The following RAMP3 variants were observed in gnomAD, a reference collection of about 807,000 sequenced individuals.
RAMP3 encodes the protein receptor activity modifying protein 3, also known as receptor activity-modifying protein 3.
In RAMP3, 14 loss-of-function variants were observed where a neutral mutation model predicts 13.5. That is an observed-to-expected ratio of 1.04 (90% confidence interval 0.69 to 1.63). The LOEUF is 1.63. Among genes scored for constraint, RAMP3 ranks in the 40% most tolerant of loss-of-function variants. RAMP3 has a pLI of 0.00. For synonymous variants in RAMP3, 106 were observed against 88.3 expected, an observed-to-expected ratio of 1.20 and a Z score of -1.12; for missense variants, 200 against 204.8, an observed-to-expected ratio of 0.98 and a Z score of 0.14.
chr7:45,164,423 T>C (rs1478465738), intron 1 of RAMP3, among the ~76,000 whole-genome samples: 2 of 152,128 alleles, frequency 1.3e-5, no homozygotes, highest in African/African-American at 4.8e-5. Flanking sequence ...TGGTCCCAGC[T>C]ACTCAGGAGG....
intron 1 of RAMP3, among the ~76,000 whole-genome samples, chr7:45,165,543 A>G (rs1177974481): frequency 6.6e-6 from 1 of 152,236 alleles, no homozygotes; most frequent in Admixed American, 6.5e-5. Context: ...TTATTGAGAT[A>G]TAATTCACAT....
At chr7:45,169,616 T>C (rs11767310) in intron 1 of RAMP3, among the ~76,000 whole-genome samples, 40,898 of 152,130 alleles carry the variant, frequency 0.27, 6,800 homozygotes, top group African/African-American at 0.47. Context: ...CAGCCTTTCC[T>C]GAACTTCTGG....
intron 1 of RAMP3, among the ~76,000 whole-genome samples, chr7:45,161,302 G>A (rs1785861413): frequency 6.6e-6 from 1 of 151,504 alleles, no homozygotes; most frequent in Admixed American, 6.6e-5. Flanking sequence ...GCTGGGCAAT[G>A]CCCTGGCACT....
intron 1 of RAMP3, among the ~76,000 whole-genome samples, chr7:45,158,596 T>A (rs3823867): frequency 0.23 from 35,301 of 152,128 alleles, 4,444 homozygotes; most frequent in East Asian, 0.51. Flanking sequence ...AGAATGTGTG[T>A]AAAGGCTGTT....
At chr7:45,166,097 C>G (rs549456876) in intron 1 of RAMP3, among the ~76,000 whole-genome samples, 9 of 152,038 alleles carry the variant, frequency 5.9e-5, no homozygotes, top group Non-Finnish European at 1.2e-4. Context: ...AGACTAGTTT[C>G]CAACGTGGCT....
chr7:45,169,034 C>A (rs1018970227), intron 1 of RAMP3, among the ~76,000 whole-genome samples: 4 of 152,132 alleles, frequency 2.6e-5, no homozygotes, highest in Admixed American at 2.6e-4. Context: ...TTGAGATGAT[C>A]GTGTGGTTCC....
chr7:45,160,951 A>T (rs1785855393), intron 1 of RAMP3, among the ~76,000 whole-genome samples: 1 of 152,182 alleles, frequency 6.6e-6, no homozygotes, highest in South Asian at 2.1e-4. Flanking sequence ...CTCAAGCCTC[A>T]TGTGCACTAG....
intron 1 of RAMP3, among the ~76,000 whole-genome samples, chr7:45,161,320 G>C (rs955205892): frequency 1.3e-5 from 2 of 151,860 alleles, no homozygotes; most frequent in African/African-American, 2.4e-5. Flanking sequence ...ACTGGGGGTG[G>C]TGGGGAATTG....
chr7:45,183,434 G>C lies in RAMP3; in HGVS notation c.*22G>C, dbSNP rs891275040. The C allele has an allele frequency of 4.4e-6, 7 of 1,605,592 alleles. No homozygotes were observed. Among genetic ancestry groups the C allele is most frequent in the Non-Finnish European group, 5.9e-6 (7 of 1,177,282 alleles). On this transcript the variant is annotated 3_prime_UTR_variant, in exon 3 of 3. Transcript: ENST00000242249. ...GTGAGGGTCCCGGTGAGATGGAGTG[G>C]GTCACACCTGGCAAGCTGGAAGAAA...
chr7:45,176,244 G>C (rs1786184085), intron 1 of RAMP3, among the ~76,000 whole-genome samples: 1 of 152,076 alleles, frequency 6.6e-6, no homozygotes, highest in African/African-American at 2.4e-5. Flanking sequence ...TGTCAATCTG[G>C]AACCATTTTC....
At chr7:45,182,394 A>C (rs1473153454) in intron 2 of RAMP3, among the ~76,000 whole-genome samples, 1 of 152,028 alleles carries the variant, frequency 6.6e-6, no homozygotes, top group Non-Finnish European at 1.5e-5. Flanking sequence ...TGCCCATTGG[A>C]ACAGGTGGTG....
At chr7:45,178,800 T>G (rs1169983980) in intron 2 of RAMP3, among the ~76,000 whole-genome samples, 1 of 152,176 alleles carries the variant, frequency 6.6e-6, no homozygotes, top group Non-Finnish European at 1.5e-5. Flanking sequence ...TAAATAGAGA[T>G]GTCCAGCCGT....
At chr7:45,170,408 G>A (rs1786057319) in intron 1 of RAMP3, among the ~76,000 whole-genome samples, 1 of 151,814 alleles carries the variant, frequency 6.6e-6, no homozygotes, top group African/African-American at 2.4e-5. Flanking sequence ...GCGCAATCTT[G>A]GCTACTGCAA....
intron 1 of RAMP3, among the ~76,000 whole-genome samples, chr7:45,159,259 C>G (rs1292278871): frequency 6.6e-6 from 1 of 152,208 alleles, no homozygotes; most frequent in East Asian, 1.9e-4. Flanking sequence ...TCTCAGCAGA[C>G]CCTCCCAGTG....
chr7:45,157,941 A>G (rs1330316035), intron 1 of RAMP3, 55 bp downstream of exon 1: 5 of 1,298,314 alleles, frequency 3.9e-6, no homozygotes, highest in Non-Finnish European at 4.9e-6. Flanking sequence ...GGTTCACCGG[A>G]CCCGGGTGGA....
intron 1 of RAMP3, among the ~76,000 whole-genome samples, chr7:45,158,494 C>T (rs761101767): frequency 2.0e-5 from 3 of 152,188 alleles, no homozygotes; most frequent in Non-Finnish European, 4.4e-5. Context: ...AACCATTGCT[C>T]ACAAAATGGA....
chr7:45,167,322 G>A (rs373550672), intron 1 of RAMP3, among the ~76,000 whole-genome samples: 2 of 152,282 alleles, frequency 1.3e-5, no homozygotes, highest in East Asian at 1.9e-4. Context: ...TCTTTGGCAA[G>A]TGTATATCCA....
chr7:45,170,576 A>T (rs752206444), intron 1 of RAMP3, among the ~76,000 whole-genome samples: 1 of 151,808 alleles, frequency 6.6e-6, no homozygotes, highest in Non-Finnish European at 1.5e-5. Flanking sequence ...TGACCTCATG[A>T]TCTGCTCGCC....
chr7:45,177,432 A>G lies in RAMP3; in HGVS notation c.182A>G (p.Glu61Gly). The G allele has an allele frequency of 6.2e-7, 1 of 1,614,030 alleles. No individual in the cohort carries two copies. Among genetic ancestry groups the G allele is most frequent in the South Asian group, 1.1e-5 (1 of 91,078 alleles). Reference protein sequence around the residue: ...VDVWKWCNLSEFIVYYESFTN... With the variant: ...VDVWKWCNLSGFIVYYESFTN... ...GTCTGGAAGTGGTGCAACCTGTCCG[A>G]GTTCATCGTGTGAGTGCCACTGCTG... Residue 61 changes from glutamate (E) to glycine (G), a missense_variant, in exon 2 of 3, where the codon GAG becomes GGG. Glu to Gly is a moderately conservative substitution (Grantham distance 98). Transcript: ENST00000242249.
Sources: gnomAD v4.1 joint callset for allele counts (sites outside exome capture counted in the v4.1 genomes callset) on GRCh38, gnomAD v4.1.1 for gene constraint, MANE v1.5 for transcripts, NCBI Gene and HGNC (gene_info 2026-07-23, HGNC 2026-07-21) for gene names.